SLC5A2: variants seen among roughly 807,000 people sequenced by gnomAD.
SLC5A2 encodes solute carrier family 5 member 2.
In SLC5A2, 67 loss-of-function variants were observed where a neutral mutation model predicts 69.0. The ratio of observed to expected loss-of-function variants is 0.97; its 90% CI spans 0.80 to 1.19. SLC5A2 has a LOEUF of 1.19. SLC5A2 is among the 50% of genes most tolerant of loss of function. The probability of loss-of-function intolerance (pLI) is 0.00; values close to 1 mark genes in which losing one functional copy is unlikely to be tolerated. For synonymous variants in SLC5A2, 455 were observed against 395.8 expected (o/e 1.15, Z -1.78); for missense variants, 1,001 against 921.5 (o/e 1.09, Z -1.12).
In SLC5A2 at chr16:31,489,395, T is replaced by A; in HGVS notation, c.1665+57T>A. 2.0e-6 allele frequency: 3 copies of A among 1,502,200 alleles called. No individual in the cohort carries two copies. In the East Asian group the frequency reaches 7.0e-5, roughly 35 times the overall value. 93.1% of individuals were successfully genotyped at this position (1,502,200 alleles called of 1,614,324 possible). On this transcript the variant is annotated intron_variant, in intron 12 of 13. Transcript: ENST00000330498. ...TGGGACACAGCACCTACCCTCTGCT[T>A]CCTGGAGTGCCCAGCTGGGAGGACC...
intron 12 of SLC5A2, chr16:31,489,717 C>T (rs1035324898): frequency 4.0e-5 from 18 of 450,886 alleles, no homozygotes; most frequent in Non-Finnish European, 7.0e-5. Flanking sequence ...GGGGTGAGGA[C>T]AGGACAAGAG....
rs1596619678 is a variant in SLC5A2 at position 31,488,144 on chromosome 16, C to T, written c.992C>T (p.Pro331Leu). The T allele has an allele frequency of 6.2e-7, 1 of 1,614,102 alleles. No homozygotes were observed. The highest frequency in any genetic ancestry group is 2.2e-5 in the East Asian group (1 of 44,874). Residue 331 changes from proline (P) to leucine (L), a missense_variant, in exon 8 of 14, where the codon CCA becomes CTA. Physicochemically the swap from Pro to Leu is moderately conservative, Grantham distance 98. Coordinates refer to ENST00000330498, the MANE Select transcript of SLC5A2 (RefSeq NM_003041.4). ...KLTPMFLMVMPGMISRILYPD... is the reference protein window; with the variant it reads ...KLTPMFLMVMLGMISRILYPD... ...ACGCCCATGTTTCTCATGGTCATGC[C>T]AGGCATGATCAGCCGCATTCTGTAC...
In SLC5A2 at chr16:31,487,766, G is replaced by A. The variant is rs752072314; in HGVS notation, c.885+7G>A. On this transcript the variant is annotated splice_region_variant and intron_variant, in intron 7 of 13. Coordinates refer to ENST00000330498, the MANE Select transcript of SLC5A2 (RefSeq NM_003041.4). The stretch of plus-strand genomic sequence containing the variant: ...GTACTGGTGCAGCGACCAGGTGCGG[G>A]TATAGGGCTGCGCCTGCAGTGAGGC... The A allele has an allele frequency of 6.2e-7, 1 of 1,603,606 alleles. No homozygotes were observed. Among genetic ancestry groups the A allele is most frequent in the South Asian group, 1.1e-5 (1 of 90,664 alleles).
intron 4 of SLC5A2, 33 bp from the exon 5 acceptor site, chr16:31,486,137 G>A: frequency 1.3e-6 from 2 of 1,530,966 alleles, no homozygotes; most frequent in East Asian, 2.2e-5. Flanking sequence ...ACACTGCCCT[G>A]GGTCCTGACC....
intron 4 of SLC5A2, 119 bp from the exon 5 acceptor site, chr16:31,486,051 C>A: frequency 8.5e-7 from 1 of 1,182,646 alleles, no homozygotes; most frequent in Non-Finnish European, 1.3e-6. Context: ...GCACCAGCTA[C>A]AGTGCTGGGA....
chr16:31,486,062 C>A, intron 4 of SLC5A2, 108 bp from the exon 5 acceptor site: 2 of 1,207,806 alleles, frequency 1.7e-6, no homozygotes, highest in Non-Finnish European at 1.2e-6. Flanking sequence ...AGTGCTGGGA[C>A]CTGGAAAAAT....
rs535031004 is a variant in SLC5A2 at position 31,490,393 on chromosome 16, C to T, written c.1877C>T (p.Pro626Leu). ...GMSRGGVGSP[P>L]PLTQEEAAAA... The stretch of plus-strand genomic sequence containing the variant: ...AGCAGAGGTGGGGTGGGCAGTCCTC[C>T]GCCCCTTACCCAGGAGGAGGCAGCG... The change falls in exon 14 of 14, where the codon CCG becomes CTG. Residue 626 changes from proline to leucine, a missense_variant. Physicochemically the swap from Pro to Leu is moderately conservative, Grantham distance 98. Coordinates refer to ENST00000330498, the MANE Select transcript of SLC5A2 (RefSeq NM_003041.4). 53 of 1,613,218 alleles carry T rather than the reference C, an allele frequency of 3.3e-5. No individual in the cohort carries two copies. The highest frequency in any genetic ancestry group is 4.2e-5 in the Non-Finnish European group (50 of 1,179,786).
In SLC5A2 at chr16:31,490,104, C is replaced by T. The variant is rs2142636941; in HGVS notation, c.1666C>T (p.Leu556Phe). The change falls in exon 13 of 14, where the codon CTC becomes TTC. Residue 556 changes from leucine to phenylalanine, a missense_variant and splice_region_variant. Coordinates refer to ENST00000330498, the MANE Select transcript of SLC5A2 (RefSeq NM_003041.4). ...TCGTTCGTGCTCCCACCCTCCCCAGCTCCACCGCCTGGTCTTCAGTCTCCG... is the reference window on the plus strand; with the variant it reads ...TCGTTCGTGCTCCCACCCTCCCCAGTTCCACCGCCTGGTCTTCAGTCTCCG... ...LCTAPIPRKH[L>F]HRLVFSLRHS... is the part of the protein sequence containing the mutation. 1.9e-6 allele frequency: 3 copies of T among 1,613,738 alleles called. No individual in the cohort carries two copies. The highest frequency in any genetic ancestry group is 2.5e-6 in the Non-Finnish European group (3 of 1,180,024).
Position 31,487,723 on chromosome 16 carries a change from C to CA in SLC5A2, c.850dup (p.Thr284AsnfsTer66). On this transcript the variant is annotated frameshift_variant, in exon 7 of 14. Coordinates refer to ENST00000330498, the MANE Select transcript of SLC5A2 (RefSeq NM_003041.4). LOFTEE classifies it high-confidence loss of function. ...CGTGGCCCGCGCTGCTCCTCGGACTCACAATCGTCTCGGGCTGGTACTGGT... is the reference window on the plus strand; with the variant it reads ...CGTGGCCCGCGCTGCTCCTCGGACTCAACAATCGTCTCGGGCTGGTACTGGT... 1 of 1,612,394 alleles carries CA rather than the reference C, an allele frequency of 6.2e-7. No individual in the cohort carries two copies. The highest frequency in any genetic ancestry group is 8.5e-7 in the Non-Finnish European group (1 of 1,179,862).
At chr16:31,486,060 G>GCT in intron 4 of SLC5A2, 110 bp from the exon 5 acceptor site, 1 of 1,204,112 alleles carries the variant, frequency 8.3e-7, no homozygotes, top group South Asian at 1.2e-5. Context: ...ACAGTGCTGG[G>GCT]ACCTGGAAAA....
Position 31,490,324 on chromosome 16 carries a change from C to G in SLC5A2, c.1808C>G (p.Ala603Gly), listed in dbSNP as rs1390091286. 6.2e-7 allele frequency: 1 copy of G among 1,612,108 alleles called. No homozygotes were observed. The highest frequency in any genetic ancestry group is 1.3e-5 in the African/African-American group (1 of 74,916). ...AMEMNEPQAP[A>G]PSLFRQCLLW... ...TTTCCCTCAGAGCCCCAGGCCCCGG[C>G]ACCAAGCCTCTTCCGCCAGTGCCTG... is the stretch of plus-strand genomic sequence containing the variant. Residue 603 changes from alanine to glycine, a missense_variant, in exon 14 of 14, where the codon GCA (alanine) becomes GGA (glycine). Transcript: ENST00000330498.
chr16:31,488,434 A>G lies in SLC5A2; in HGVS notation c.1073A>G (p.Glu358Gly). ...PEVCRRVCGT[E>G]VGCSNIAYPR... is the part of the protein sequence containing the mutation. ...GTGTGCAGGCGCGTGTGCGGCACGGAGGTGGGCTGCTCCAACATCGCCTAC... is the reference window on the plus strand; with the variant it reads ...GTGTGCAGGCGCGTGTGCGGCACGGGGGTGGGCTGCTCCAACATCGCCTAC... The change falls in exon 9 of 14, where the codon GAG becomes GGG. Residue 358 changes from glutamate to glycine, a missense_variant. Transcript: ENST00000330498. The G allele has an allele frequency of 6.2e-7, 1 of 1,611,702 alleles. No homozygotes were observed. The highest frequency in any genetic ancestry group is 8.5e-7 in the Non-Finnish European group (1 of 1,179,714).
At chr16:31,485,406 A>G in intron 3 of SLC5A2, 1 of 483,948 alleles carries the variant, frequency 2.1e-6, no homozygotes, top group East Asian at 4.0e-5. Flanking sequence ...TGAGGGACAC[A>G]AGGTTTGGGT....
Position 31,488,426 on chromosome 16 carries a change from C to A in SLC5A2, c.1065C>A (p.Cys355Ter). 1.2e-6 allele frequency: 2 copies of A among 1,611,544 alleles called. No individual in the cohort carries two copies. The highest frequency in any genetic ancestry group is 1.7e-6 in the Non-Finnish European group (2 of 1,179,722). The stretch of plus-strand genomic sequence containing the variant: ...TGCCTGAGGTGTGCAGGCGCGTGTG[C>A]GGCACGGAGGTGGGCTGCTCCAACA... ...CVVPEVCRRV[C>*]GTEVGCSNIA... Residue 355 changes from cysteine (C) to a stop codon, truncating the protein, a stop_gained, in exon 9 of 14, where the codon TGC becomes TGA. Coordinates refer to ENST00000330498, the MANE Select transcript of SLC5A2 (RefSeq NM_003041.4). LOFTEE classifies it high-confidence loss of function.
Position 31,485,787 on chromosome 16 carries a change from G to A in SLC5A2, c.362G>A (p.Gly121Glu). The A allele has an allele frequency of 6.2e-7, 1 of 1,613,696 alleles. No homozygotes were observed. Among genetic ancestry groups the A allele is most frequent in the Non-Finnish European group, 8.5e-7 (1 of 1,180,002 alleles). Residue 121 changes from glycine (G) to glutamate (E), a missense_variant, in exon 4 of 14, where the codon GGG becomes GAG. Transcript: ENST00000330498. ...WLFAPVYLTA[G>E]VITMPQYLRK... ...TTTGCACCCGTGTACCTGACAGCGG[G>A]GGTCATCACGATGCCACAGTACCTG...
In SLC5A2 at chr16:31,485,836, C is replaced by T. The variant is rs1438215043; in HGVS notation, c.411C>T (p.Arg137=). 2.5e-6 allele frequency: 4 copies of T among 1,613,536 alleles called. No individual in the cohort carries two copies. The highest frequency in any genetic ancestry group is 3.4e-6 in the Non-Finnish European group (4 of 1,180,034). ...QYLRKRFGGR[R]IRLYLSVLSL... is the part of the protein sequence containing the mutation. ...TGCGCAAGCGCTTCGGCGGCCGCCGCATCCGCCTCTACCTGTCTGTGCTCT... is the reference window on the plus strand; with the variant it reads ...TGCGCAAGCGCTTCGGCGGCCGCCGTATCCGCCTCTACCTGTCTGTGCTCT... Residue 137 remains arginine (R), a synonymous_variant, in exon 4 of 14, where the codon CGC becomes CGT. Coordinates refer to ENST00000330498, the MANE Select transcript of SLC5A2 (RefSeq NM_003041.4).
Position 31,489,891 on chromosome 16 carries a change from C to A in SLC5A2, c.1666-213C>A, listed in dbSNP as rs746975838. The A allele has an allele frequency of 4.5e-5, 28 of 616,606 alleles. No individual in the cohort carries two copies. In the East Asian group the frequency reaches 8.6e-4, roughly 19 times the overall value. 38.2% of individuals were successfully genotyped at this position (616,606 alleles called of 1,614,324 possible). A position where few individuals can be genotyped will look rare whatever the true frequency, so the allele number is the denominator to read the frequency against. ...GACAAAGCTGGGGGAGCAAGGCCAA[C>A]GGCTTTAAACACAAGCTCAGGGGCT... On this transcript the variant is annotated intron_variant, in intron 12 of 13. Transcript: ENST00000330498.
At chr16:31,486,932 G>C (rs917601017) in intron 5 of SLC5A2, among the ~76,000 whole-genome samples, 1 of 152,174 alleles carries the variant, frequency 6.6e-6, no homozygotes, top group African/African-American at 2.4e-5. Context: ...TGTAATCCCA[G>C]CTACTCGGGA....
rs547044436 is a variant in SLC5A2 at position 31,489,516 on chromosome 16, C to T, written c.1665+178C>T. 54 of 660,108 alleles carry T rather than the reference C, an allele frequency of 8.2e-5. 1 individual carries two copies. In the South Asian group the frequency reaches 8.5e-4, roughly 10 times the overall value. The allele number at this position is 660,108 out of a possible 1,614,324, so 40.9% of individuals were successfully genotyped here. ...TTTATTTAAATACATTTATTTGAACCGGCCTGGGGGAGGCTTGATGTTGAT... is the reference window on the plus strand; with the variant it reads ...TTTATTTAAATACATTTATTTGAACTGGCCTGGGGGAGGCTTGATGTTGAT... On this transcript the variant is annotated intron_variant, in intron 12 of 13. Coordinates refer to ENST00000330498, the MANE Select transcript of SLC5A2 (RefSeq NM_003041.4).
Sources: allele counts gnomAD v4.1 joint callset (sites outside exome capture counted in the v4.1 genomes callset), GRCh38; gene constraint gnomAD v4.1.1; transcripts MANE v1.5; gene names NCBI Gene and HGNC (gene_info 2026-07-23, HGNC 2026-07-21).